The following SOCS6 variants were observed in gnomAD, a reference collection of about 807,000 sequenced individuals.
SOCS6 encodes the protein suppressor of cytokine signaling 6, also known as STAT induced STAT inhibitor-4.
A neutral mutation model predicts 27.7 loss-of-function variants in SOCS6; 5 were observed. The ratio of observed to expected loss-of-function variants is 0.18; its 90% CI spans 0.09 to 0.38. The LOEUF (loss-of-function observed/expected upper bound fraction) is 0.38, where lower values mean the gene tolerates loss of function less well. SOCS6 is among the 10% of genes least tolerant of loss of function. The pLI is 1.00. For synonymous variants in SOCS6, 271 were observed against 260.0 expected, an observed-to-expected ratio of 1.04 and a Z score of -0.41; for missense variants, 595 against 688.1, an observed-to-expected ratio of 0.86 and a Z score of 1.51.
rs12605259 is a variant in SOCS6, at chr18:70,292,006, C to T, written c.-127+2916C>T. ...TATGCTGTTTGGCGTGTTGGTTTAG[C>T]TAATAAGTCGTGATGGCTTTAGGGC... is the stretch of plus-strand genomic sequence containing the variant. On this transcript the variant is annotated intron_variant, in intron 1 of 1. Coordinates refer to ENST00000397942, the MANE Select transcript of SOCS6 (RefSeq NM_004232.4). Among the ~76,000 whole-genome samples the T allele has an allele frequency of 5.3e-5, 8 of 152,280 alleles. No individual in the cohort carries two copies. The East Asian group carries it at 1.5e-3, about 29-fold the overall frequency.
intron 1 of SOCS6, among the ~76,000 whole-genome samples, chr18:70,297,161 G>T (rs541562904): frequency 6.6e-6 from 1 of 151,940 alleles, no homozygotes; most frequent in African/African-American, 2.4e-5. Context: ...GTTCAGATTT[G>T]TGAAACCTTT....
chr18:70,304,928 C>G lies in SOCS6; in HGVS notation c.-127+15838C>G, dbSNP rs183771408. On this transcript the variant is annotated intron_variant, in intron 1 of 1. Coordinates refer to ENST00000397942, the MANE Select transcript of SOCS6 (RefSeq NM_004232.4). Reference sequence around the variant, plus strand: ...TAAAGAAGTTTTATAGTTTCATGGCCGAGCGCGGTGGCTCACGCCTGTAAT... The same window carrying G: ...TAAAGAAGTTTTATAGTTTCATGGCGGAGCGCGGTGGCTCACGCCTGTAAT... Among the ~76,000 whole-genome samples, 596 of 152,240 alleles carry G rather than the reference C, an allele frequency of 3.9e-3. 22 individuals carry two copies. Among genetic ancestry groups the G allele is most frequent in the Admixed American group, 0.035 (540 of 15,290 alleles).
At chr18:70,319,543 C>G (rs922264430) in intron 1 of SOCS6, among the ~76,000 whole-genome samples, 6 of 148,156 alleles carry the variant, frequency 4.0e-5, no homozygotes, top group African/African-American at 1.3e-4. Context: ...AAGGCAGCGG[C>G]ACCAAACTGT....
In SOCS6 at chr18:70,327,180, G is replaced by C. The variant is rs1911240911; in HGVS notation, c.*904G>C. On this transcript the variant is annotated 3_prime_UTR_variant, in exon 2 of 2. Transcript: ENST00000397942. Reference sequence around the variant, plus strand: ...CCTTTTGGTAAAATGTTTTATCTGTGATTTCTTTAGCTTAGTCAACATTTT... The same window carrying C: ...CCTTTTGGTAAAATGTTTTATCTGTCATTTCTTTAGCTTAGTCAACATTTT... 6.0e-6 allele frequency: 1 copy of C among 166,834 alleles called. No homozygotes were observed. Among genetic ancestry groups the C allele is most frequent in the African/African-American group, 2.4e-5 (1 of 41,400 alleles). The allele number at this position is 166,834 out of a possible 1,614,324, so 10.3% of individuals were successfully genotyped here.
chr18:70,316,158 G>A lies in SOCS6; in HGVS notation c.-126-8385G>A, dbSNP rs370929880. Among the ~76,000 whole-genome samples, 53 of 152,128 alleles carry A rather than the reference G, an allele frequency of 3.5e-4. No individual in the cohort carries two copies. The East Asian group carries it at 6.9e-3, about 20-fold the overall frequency. The stretch of plus-strand genomic sequence containing the variant: ...AGCCACCTCGCCCGGCTGATATGTA[G>A]CATTTTCATTATGTTAGTATACATT... On this transcript the variant is annotated intron_variant, in intron 1 of 1. Coordinates refer to ENST00000397942, the MANE Select transcript of SOCS6 (RefSeq NM_004232.4).
chr18:70,297,034 G>C (rs1051888024), intron 1 of SOCS6, among the ~76,000 whole-genome samples: 3 of 147,984 alleles, frequency 2.0e-5, no homozygotes, highest in African/African-American at 7.5e-5. Flanking sequence ...TTGTTCTTTG[G>C]AGGGGAGTTC....
intron 1 of SOCS6, among the ~76,000 whole-genome samples, chr18:70,311,246 G>A (rs2062389635): frequency 6.6e-6 from 1 of 152,116 alleles, no homozygotes. Context: ...TCATCCTTGT[G>A]TTTTTGCTAT....
intron 1 of SOCS6, among the ~76,000 whole-genome samples, chr18:70,320,022 T>A (rs1442721734): frequency 6.6e-6 from 1 of 152,062 alleles, no homozygotes; most frequent in African/African-American, 2.4e-5. Flanking sequence ...AGATGGAGTC[T>A]TGCTTGTTGC....
chr18:70,289,609 G>GGCTCGT (rs2062289610), intron 1 of SOCS6, among the ~76,000 whole-genome samples: 2 of 147,872 alleles, frequency 1.4e-5, no homozygotes, highest in African/African-American at 4.9e-5. Flanking sequence ...CTCGGGCTCG[G>GGCTCGT]GGTCGGGGCG....
chr18:70,310,110 A>G (rs989721305), intron 1 of SOCS6, among the ~76,000 whole-genome samples: 30 of 152,240 alleles, frequency 2.0e-4, no homozygotes, highest in African/African-American at 6.8e-4. Context: ...TATTTATAGT[A>G]TTTTAAATTG....
chr18:70,308,141 G>C (rs76550948), intron 1 of SOCS6, among the ~76,000 whole-genome samples: 1 of 152,106 alleles, frequency 6.6e-6, no homozygotes, highest in East Asian at 1.9e-4. Context: ...ATTTATTTCT[G>C]TTGTAGATAT....
At chr18:70,289,281 C>A (rs985244445) in intron 1 of SOCS6, among the ~76,000 whole-genome samples, 191 bp downstream of exon 1, 2 of 149,226 alleles carry the variant, frequency 1.3e-5, no homozygotes, top group Non-Finnish European at 3.0e-5. Context: ...AGGCCCTGCG[C>A]CGTCTCGGCG....
chr18:70,322,346 T>C (rs1257756701), intron 1 of SOCS6, among the ~76,000 whole-genome samples: 1 of 152,246 alleles, frequency 6.6e-6, no homozygotes, highest in African/African-American at 2.4e-5. Flanking sequence ...TATGGCCTAA[T>C]AGAACTTTTA....
intron 1 of SOCS6, among the ~76,000 whole-genome samples, chr18:70,295,554 G>C (rs1356371758): frequency 6.6e-6 from 1 of 152,142 alleles, no homozygotes; most frequent in East Asian, 1.9e-4. Flanking sequence ...CCATCCCTCA[G>C]ACAATAGTCA....
At chr18:70,294,689 T>TGCAA (rs2062315801) in intron 1 of SOCS6, among the ~76,000 whole-genome samples, 1 of 152,236 alleles carries the variant, frequency 6.6e-6, no homozygotes, top group Non-Finnish European at 1.5e-5. Context: ...GGATTGCTAG[T>TGCAA]GCAAGCTGCT....
intron 1 of SOCS6, among the ~76,000 whole-genome samples, chr18:70,292,725 C>G (rs987840647): frequency 4.6e-5 from 7 of 152,208 alleles, no homozygotes; most frequent in Admixed American, 1.3e-4. Flanking sequence ...CCCTAATTCT[C>G]ATCTTGAGCA....
intron 1 of SOCS6, among the ~76,000 whole-genome samples, chr18:70,320,209 G>A (rs576666910): frequency 1.2e-4 from 19 of 152,154 alleles, no homozygotes; most frequent in African/African-American, 4.6e-4. Flanking sequence ...GGCTGGTCTC[G>A]AACTCCTGGC....
intron 1 of SOCS6, among the ~76,000 whole-genome samples, chr18:70,293,504 CCTG>C (rs915717138): frequency 1.3e-5 from 2 of 152,118 alleles, no homozygotes; most frequent in African/African-American, 4.8e-5. Context: ...ACCCATTTCT[CCTG>C]CTTACATAGC....
chr18:70,323,662 G>A (rs1911070390), intron 1 of SOCS6, among the ~76,000 whole-genome samples: 1 of 152,170 alleles, frequency 6.6e-6, no homozygotes, highest in Non-Finnish European at 1.5e-5. Context: ...AATGATTCTT[G>A]TTCTCAAGGA....
Sources: gnomAD v4.1 joint callset for allele counts (sites outside exome capture counted in the v4.1 genomes callset) on GRCh38, gnomAD v4.1.1 for gene constraint, MANE v1.5 for transcripts, NCBI Gene and HGNC (gene_info 2026-07-23, HGNC 2026-07-21) for gene names.